FMN1: variants seen among roughly 807,000 people sequenced by gnomAD.
FMN1 encodes formin-1.
Under a neutral mutation model 132.4 loss-of-function variants are expected in FMN1, and 110 were observed. The observed-to-expected ratio is 0.83, with a 90% CI of 0.71 to 0.97. The LOEUF is 0.97. Ranked by LOEUF, FMN1 falls within the 50% of genes least tolerant of loss-of-function variation. FMN1 has a pLI of 0.00. For missense variants in FMN1, 1,792 were observed against 1,705.3 expected (o/e 1.05, Z -0.90); for synonymous variants, 722 against 651.7 (o/e 1.11, Z -1.64).
chr15:32,902,878 A>G (rs1049914687), intron 12 of FMN1, among the ~76,000 whole-genome samples: 1 of 152,230 alleles, frequency 6.6e-6, no homozygotes, highest in African/African-American at 2.4e-5. Context: ...TCAGAAAAGG[A>G]GAAAATCTAC....
At chr15:32,861,219 G>A (rs1351385562) in intron 16 of FMN1, among the ~76,000 whole-genome samples, 1 of 152,198 alleles carries the variant, frequency 6.6e-6, no homozygotes, top group African/African-American at 2.4e-5. Context: ...TCGAACGCCT[G>A]ACAATAACTC....
chr15:32,928,465 A>C (rs1301485008), intron 9 of FMN1, among the ~76,000 whole-genome samples: 3 of 152,206 alleles, frequency 2.0e-5, no homozygotes. Flanking sequence ...TTAGCCATGC[A>C]CCCATTCAAA....
intron 4 of FMN1, among the ~76,000 whole-genome samples, chr15:33,125,441 A>G (rs1962963717): frequency 1.3e-5 from 1 of 76,842 alleles, no homozygotes; most frequent in South Asian, 4.8e-4. Context: ...CAATATGTGT[A>G]GAAGATTATT....
intron 17 of FMN1, among the ~76,000 whole-genome samples, chr15:32,849,865 C>CA (rs1411304895): frequency 1.3e-5 from 2 of 152,164 alleles, no homozygotes; most frequent in East Asian, 3.9e-4. Context: ...CCATGTTGGC[C>CA]AGGCTGGTCT....
At position 32,767,215 on chromosome 15, in the gene FMN1, CCTTT is replaced by C. The variant is rs1360984756; in HGVS notation, c.*7091_*7094del. 1 of 152,190 alleles carries C rather than the reference CCTTT, an allele frequency of 6.6e-6. No homozygotes were observed. Among genetic ancestry groups the C allele is most frequent in the Non-Finnish European group, 1.5e-5 (1 of 68,040 alleles). The allele number at this position is 152,190 out of a possible 1,614,324, so 9.4% of individuals were successfully genotyped here. On this transcript the variant is annotated 3_prime_UTR_variant, in exon 21 of 21. Coordinates refer to ENST00000616417, the MANE Select transcript of FMN1 (RefSeq NM_001277313.2). ...GTTCAAATTTTTCTCCTCCATGCGT[CCTTT>C]TTTTCTTGCTCATCCCATTGCTTGC... is the stretch of plus-strand genomic sequence containing the variant.
intron 17 of FMN1, among the ~76,000 whole-genome samples, chr15:32,813,016 TGCTGAACATATACAC>T (rs2057937005): frequency 6.6e-6 from 1 of 152,190 alleles, no homozygotes; most frequent in South Asian, 2.1e-4. Context: ...GTTGTGTCTG[TGCTGAACATATACAC>T]GCTTTTTTTT....
intron 6 of FMN1, among the ~76,000 whole-genome samples, chr15:33,042,129 A>G (rs1261473554): frequency 6.6e-6 from 1 of 152,206 alleles, no homozygotes; most frequent in African/African-American, 2.4e-5. Flanking sequence ...GCTTTGGTAT[A>G]TAAATAAAAC....
In FMN1 at chr15:32,798,177, C is replaced by T. The variant is rs1176196508; in HGVS notation, c.4130+627G>A. Reference sequence around the variant, plus strand: ...GCAAATTCAATCTCTCTAAGGAAAACGCACACACACACACACACACACACA... The same window carrying T: ...GCAAATTCAATCTCTCTAAGGAAAATGCACACACACACACACACACACACA... On this transcript the variant is annotated intron_variant, in intron 19 of 20. Coordinates refer to ENST00000616417, the MANE Select transcript of FMN1 (RefSeq NM_001277313.2). Among the ~76,000 whole-genome samples the T allele has an allele frequency of 6.8e-5, 4 of 59,132 alleles. No individual in the cohort carries two copies. In the East Asian group the frequency reaches 5.0e-3, roughly 73 times the overall value. The allele number at this position is 59,132 out of a possible 152,430, so 38.8% of individuals were successfully genotyped here.
chr15:33,001,712 T>TCCTCCTTCCC (rs2034128907), intron 7 of FMN1, among the ~76,000 whole-genome samples: 1 of 32,306 alleles, frequency 3.1e-5, no homozygotes, highest in Non-Finnish European at 6.2e-5. Context: ...CCCTTCCCCC[T>TCCTCCTTCCC]CCTCCTCCTC....
chr15:32,773,361 G>A lies in FMN1; in HGVS notation c.*949C>T, dbSNP rs1379542929. The A allele has an allele frequency of 6.6e-6, 1 of 152,256 alleles. No individual in the cohort carries two copies. Among genetic ancestry groups the A allele is most frequent in the Non-Finnish European group, 1.5e-5 (1 of 68,090 alleles). The allele number at this position is 152,256 out of a possible 1,614,324, so 9.4% of individuals were successfully genotyped here. Reference sequence around the variant, plus strand: ...TCCTGTCTGGAAACTGCCTCCTGGGGATGGGGGTCGTCCAGCTGCACAGTC... The same window carrying A: ...TCCTGTCTGGAAACTGCCTCCTGGGAATGGGGGTCGTCCAGCTGCACAGTC... On this transcript the variant is annotated 3_prime_UTR_variant, in exon 21 of 21. Transcript: ENST00000616417.
chr15:32,888,814 G>A (rs938129817), intron 15 of FMN1, among the ~76,000 whole-genome samples: 9 of 148,534 alleles, frequency 6.1e-5, no homozygotes, highest in African/African-American at 2.2e-4. Flanking sequence ...GTGCATGCAT[G>A]ATCAGATTCT....
intron 6 of FMN1, among the ~76,000 whole-genome samples, chr15:33,023,368 A>G (rs2035514992): frequency 6.6e-6 from 1 of 152,218 alleles, no homozygotes; most frequent in Non-Finnish European, 1.5e-5. Flanking sequence ...CAATTGAAAC[A>G]TGACATCACC....
At chr15:33,156,071 G>T (rs544215916) in intron 3 of FMN1, among the ~76,000 whole-genome samples, 1 of 152,130 alleles carries the variant, frequency 6.6e-6, no homozygotes, top group African/African-American at 2.4e-5. Context: ...CTTCTAAATA[G>T]CAAAAAAGCT....
chr15:32,996,574 G>A (rs1211196355), intron 7 of FMN1, among the ~76,000 whole-genome samples: 3 of 152,068 alleles, frequency 2.0e-5, no homozygotes, highest in African/African-American at 7.2e-5. Context: ...ACCTCATAAT[G>A]GTGTAATAGC....
At chr15:33,138,405 A>C (rs1041048118) in intron 4 of FMN1, among the ~76,000 whole-genome samples, 5 of 152,096 alleles carry the variant, frequency 3.3e-5, no homozygotes, top group Non-Finnish European at 7.4e-5. Flanking sequence ...AATGTGGCCT[A>C]TGCAGGTGTC....
At chr15:32,900,348 G>A (rs1431900742) in intron 13 of FMN1, 1 of 683,496 alleles carries the variant, frequency 1.5e-6, no homozygotes. Context: ...TATAAACAGT[G>A]CATGTTTTAA....
intron 6 of FMN1, among the ~76,000 whole-genome samples, chr15:33,015,829 A>T (rs895324382): frequency 1.3e-5 from 2 of 152,244 alleles, no homozygotes; most frequent in African/African-American, 4.8e-5. Context: ...TTGACAGTTA[A>T]ATGTTTTAAT....
In FMN1 at chr15:32,766,533, C is replaced by T. The variant is rs56756022; in HGVS notation, c.*7777G>A. The stretch of plus-strand genomic sequence containing the variant: ...ATTGAGAAGGCCTAGAATAAGAACC[C>T]CCCCCCCACCCCGCCCAATCTTCTT... On this transcript the variant is annotated 3_prime_UTR_variant, in exon 21 of 21. Coordinates refer to ENST00000616417, the MANE Select transcript of FMN1 (RefSeq NM_001277313.2). 8.5e-6 allele frequency: 1 copy of T among 117,696 alleles called. No homozygotes were observed. Among genetic ancestry groups the T allele is most frequent in the Non-Finnish European group, 1.7e-5 (1 of 58,354 alleles). The allele number at this position is 117,696 out of a possible 1,614,324, so 7.3% of individuals were successfully genotyped here.
intron 6 of FMN1, among the ~76,000 whole-genome samples, chr15:33,033,109 C>A (rs2036018023): frequency 6.6e-6 from 1 of 152,050 alleles, no homozygotes; most frequent in Non-Finnish European, 1.5e-5. Flanking sequence ...CGGCTCACTG[C>A]AAGCTCTGCC....
Sources: gnomAD v4.1 joint callset for allele counts (sites outside exome capture counted in the v4.1 genomes callset) on GRCh38, gnomAD v4.1.1 for gene constraint, MANE v1.5 for transcripts, NCBI Gene and HGNC (gene_info 2026-07-23, HGNC 2026-07-21) for gene names.